The following CDK14 variants were observed in gnomAD, a reference collection of about 807,000 sequenced individuals.
CDK14 encodes cyclin dependent kinase 14, also known as cyclin-dependent kinase 14.
In CDK14, 34 loss-of-function variants were observed where a neutral mutation model predicts 60.7. The observed-to-expected ratio is 0.56, with a 90% confidence interval of 0.43 to 0.75. CDK14 has a LOEUF of 0.75. Among genes scored for constraint, CDK14 ranks in the 30% least tolerant of loss-of-function variants. CDK14 has a pLI of 0.00. For synonymous variants in CDK14, 197 were observed against 203.7 expected, an observed-to-expected ratio of 0.97 and a Z score of 0.28; for missense variants, 482 against 564.1, an observed-to-expected ratio of 0.85 and a Z score of 1.47.
At chr7:90,758,934 C>G (rs1342189619) in intron 4 of CDK14, among the ~76,000 whole-genome samples, 1 of 151,664 alleles carries the variant, frequency 6.6e-6, no homozygotes, top group Non-Finnish European at 1.5e-5. Context: ...CATGCACTTA[C>G]AATCCCAGCT....
chr7:90,787,027 G>A (rs1311178398), intron 4 of CDK14, among the ~76,000 whole-genome samples: 1 of 151,102 alleles, frequency 6.6e-6, no homozygotes. Context: ...TTTTCTAAAA[G>A]TAGACCCAGT....
intron 2 of CDK14, chr7:90,709,770 CTT>C (rs59896030): frequency 1.9e-3 from 2,219 of 1,138,448 alleles, no homozygotes; most frequent in South Asian, 6.4e-3. Context: ...GATTTCTGGG[CTT>C]TTTTTTTTTT....
At chr7:90,719,872 T>G (rs1802382562) in intron 2 of CDK14, among the ~76,000 whole-genome samples, 1 of 152,174 alleles carries the variant, frequency 6.6e-6, no homozygotes, top group Non-Finnish European at 1.5e-5. Flanking sequence ...CTATTCTTAG[T>G]TCTCATTGAT....
At chr7:90,709,239 C>A in intron 2 of CDK14, 1 of 381,450 alleles carries the variant, frequency 2.6e-6, no homozygotes, top group Non-Finnish European at 4.6e-6. Context: ...CAAATATATA[C>A]ACGTAGACAC....
intron 4 of CDK14, among the ~76,000 whole-genome samples, chr7:90,780,601 G>C (rs904685151): frequency 1.2e-4 from 15 of 124,006 alleles, no homozygotes; most frequent in African/African-American, 4.2e-4. Flanking sequence ...ACATTCCCCA[G>C]AGTGTGATGT....
chr7:91,039,098 T>C (rs1797011910), intron 10 of CDK14, among the ~76,000 whole-genome samples: 2 of 152,200 alleles, frequency 1.3e-5, no homozygotes, highest in Non-Finnish European at 2.9e-5. Context: ...AGTGTCCTTC[T>C]CCTACTCATT....
chr7:91,051,320 T>C (rs1797384536), intron 11 of CDK14, among the ~76,000 whole-genome samples: 1 of 152,204 alleles, frequency 6.6e-6, no homozygotes, highest in African/African-American at 2.4e-5. Flanking sequence ...ACATCCAAAC[T>C]ATATCAGAGT....
At chr7:91,201,177 A>G (rs897481649) in intron 14 of CDK14, among the ~76,000 whole-genome samples, 7 of 152,236 alleles carry the variant, frequency 4.6e-5, no homozygotes, top group African/African-American at 1.7e-4. Context: ...GCTAAATTTG[A>G]TCAAATTATA....
chr7:90,918,877 C>T (rs751450215), intron 8 of CDK14, among the ~76,000 whole-genome samples: 50 of 152,152 alleles, frequency 3.3e-4, no homozygotes, highest in Admixed American at 5.9e-4. Flanking sequence ...TGAAATAAAA[C>T]AAAAGTTAGT....
intron 4 of CDK14, among the ~76,000 whole-genome samples, chr7:90,755,750 G>A (rs932580087): frequency 6.0e-4 from 92 of 152,192 alleles, no homozygotes; most frequent in African/African-American, 2.1e-3. Flanking sequence ...CAAAGTAATG[G>A]TCTAAATGAT....
chr7:90,850,698 G>T (rs1790621368), intron 5 of CDK14, among the ~76,000 whole-genome samples: 1 of 152,154 alleles, frequency 6.6e-6, no homozygotes, highest in Non-Finnish European at 1.5e-5. Context: ...TTCCAAGTGT[G>T]ATAGGGAGTC....
At chr7:90,700,078 G>GA (rs926481692) in intron 2 of CDK14, among the ~76,000 whole-genome samples, 4 of 152,080 alleles carry the variant, frequency 2.6e-5, no homozygotes, top group African/African-American at 9.7e-5. Flanking sequence ...AACATAGGTG[G>GA]AAAAAAAGTT....
chr7:91,032,000 A>G (rs1168478210), intron 10 of CDK14, among the ~76,000 whole-genome samples: 1 of 152,166 alleles, frequency 6.6e-6, no homozygotes, highest in African/African-American at 2.4e-5. Flanking sequence ...TTGTGAGTCA[A>G]TCGAGATGAA....
At chr7:90,884,537 C>A (rs187543053) in intron 6 of CDK14, among the ~76,000 whole-genome samples, 2 of 152,212 alleles carry the variant, frequency 1.3e-5, no homozygotes, top group Non-Finnish European at 2.9e-5. Flanking sequence ...TCAATGGTAT[C>A]CCCATCAATC....
intron 14 of CDK14, among the ~76,000 whole-genome samples, chr7:91,153,490 C>T (rs1311389043): frequency 1.3e-5 from 2 of 152,108 alleles, no homozygotes; most frequent in Non-Finnish European, 2.9e-5. Context: ...TAAATGCCCA[C>T]CAATGATAGA....
At chr7:90,941,812 T>A (rs769964052) in intron 8 of CDK14, among the ~76,000 whole-genome samples, 1 of 152,114 alleles carries the variant, frequency 6.6e-6, no homozygotes, top group Non-Finnish European at 1.5e-5. Flanking sequence ...CTGAAGCAGG[T>A]GCCTCATGTT....
rs144468300 is a variant in CDK14, at chr7:91,075,641, T to G, written c.1106-3791T>G. Among the ~76,000 whole-genome samples the G allele has an allele frequency of 3.4e-3, 522 of 152,112 alleles. 1 individual carries two copies. Among genetic ancestry groups the G allele is most frequent in the African/African-American group, 0.012 (505 of 41,510 alleles). Reference sequence around the variant, plus strand: ...AGGGCAATCAGGCAAGAGAAAGAAATAAAGGATATTCAAATAGGAAGAGAG... The same window carrying G: ...AGGGCAATCAGGCAAGAGAAAGAAAGAAAGGATATTCAAATAGGAAGAGAG... On this transcript the variant is annotated intron_variant, in intron 11 of 14. Transcript: ENST00000380050.
chr7:90,996,565 G>A (rs1052256992), intron 10 of CDK14, among the ~76,000 whole-genome samples: 1 of 152,178 alleles, frequency 6.6e-6, no homozygotes, highest in African/African-American at 2.4e-5. Context: ...TCTAAGTCAA[G>A]TTAACAGATT....
chr7:91,118,255 A>G (rs1428672164), intron 14 of CDK14, 47 bp downstream of exon 14: 5 of 869,020 alleles, frequency 5.8e-6, no homozygotes, highest in South Asian at 1.5e-5. Flanking sequence ...ATGGATATTG[A>G]ACGGATTCTT....
Sources: gnomAD v4.1 joint callset for allele counts (sites outside exome capture counted in the v4.1 genomes callset) on GRCh38, gnomAD v4.1.1 for gene constraint, MANE v1.5 for transcripts, NCBI Gene and HGNC (gene_info 2026-07-23, HGNC 2026-07-21) for gene names.